The following KMT2D variants were observed in gnomAD, a reference collection of about 807,000 sequenced individuals.
The protein encoded by KMT2D is lysine methyltransferase 2D, also known as histone-lysine N-methyltransferase 2D.
Under a neutral mutation model 512.7 loss-of-function variants are expected in KMT2D, and 55 were observed. That is an observed-to-expected ratio of 0.11 (90% CI 0.09 to 0.13). The LOEUF (loss-of-function observed/expected upper bound fraction) is 0.13. KMT2D is among the 10% of genes least tolerant of loss of function. KMT2D has a pLI of 1.00. For missense variants in KMT2D, 6,061 were observed against 7,127.9 expected, an observed-to-expected ratio of 0.85 and a Z score of 5.39; for synonymous variants, 2,995 against 2,904.0, an observed-to-expected ratio of 1.03 and a Z score of -1.01.
At position 49,021,761 on chromosome 12, in the gene KMT2D, C is replaced by A; in HGVS notation, c.*19G>T. 6.3e-7 allele frequency: 1 copy of A among 1,598,040 alleles called. No homozygotes were observed. Among genetic ancestry groups the A allele is most frequent in the South Asian group, 1.1e-5 (1 of 90,756 alleles). On this transcript the variant is annotated 3_prime_UTR_variant, in exon 55 of 55. Coordinates refer to ENST00000301067, the MANE Select transcript of KMT2D (RefSeq NM_003482.4). ...GTTGTGGGTAGGGGGACTCCCCTGCCTGGTAGCCTCAAAGCTTCTTAGTTC... is the reference window on the plus strand; with the variant it reads ...GTTGTGGGTAGGGGGACTCCCCTGCATGGTAGCCTCAAAGCTTCTTAGTTC...
At position 49,044,393 on chromosome 12, in the gene KMT2D, AG is replaced by A; in HGVS notation, c.5083+9del. 6.2e-7 allele frequency: 1 copy of A among 1,612,926 alleles called. No homozygotes were observed. The highest frequency in any genetic ancestry group is 1.1e-5 in the South Asian group (1 of 91,028). On this transcript the variant is annotated intron_variant, in intron 21 of 54. Transcript: ENST00000301067. This position sits in a 1 kb window ranked among gnomAD's most constrained non-coding sequence, Gnocchi z 6.4. ...CCCCACCACCCCACAACCCCATCCC[AG>A]GACCTCACCAGGCCGATATGGTTTA...
rs1386287108 is a variant in KMT2D, at chr12:49,055,273, C to A, written c.49+3G>T. On this transcript the variant is annotated splice_donor_region_variant and intron_variant, in intron 2 of 54. Coordinates refer to ENST00000301067, the MANE Select transcript of KMT2D (RefSeq NM_003482.4). ...AAGCAAACAAACAATTTGTCCTACT[C>A]ACCTGCCGGTTCTGAATCTTTATCC... The A allele has an allele frequency of 6.2e-6, 10 of 1,614,008 alleles. No individual in the cohort carries two copies. Among genetic ancestry groups the A allele is most frequent in the Non-Finnish European group, 8.5e-6 (10 of 1,179,840 alleles).
intron 43 of KMT2D, 143 bp downstream of exon 43, chr12:49,030,137 G>A: frequency 1.5e-6 from 1 of 653,228 alleles, no homozygotes; most frequent in Non-Finnish European, 2.6e-6. Context: ...AGTCCTGAAA[G>A]GGCCCTTCCT....
In KMT2D at chr12:49,042,667, A is replaced by C. The variant is rs925441426; in HGVS notation, c.5783-22T>G. 2 of 1,611,190 alleles carry C rather than the reference A, an allele frequency of 1.2e-6. No homozygotes were observed. Among genetic ancestry groups the C allele is most frequent in the African/African-American group, 2.7e-5 (2 of 74,868 alleles). ...CCACCTACAAGACGGACAGGATCAG[A>C]GAAAAGAGCAACTGGCCCATCCTGG... On this transcript the variant is annotated intron_variant, in intron 27 of 54. Coordinates refer to ENST00000301067, the MANE Select transcript of KMT2D (RefSeq NM_003482.4). This position sits in a 1 kb window ranked among gnomAD's most constrained non-coding sequence, Gnocchi z 4.4.
At chr12:49,025,920 T>C (rs960848180) in intron 49 of KMT2D, among the ~76,000 whole-genome samples, 2 of 152,208 alleles carry the variant, frequency 1.3e-5, no homozygotes, top group Non-Finnish European at 2.9e-5. Flanking sequence ...CTGTTTCCTT[T>C]TGTTCCACTG....
rs1010837207 is a variant in KMT2D at position 49,021,508 on chromosome 12, T to C, written c.*272A>G. 2.6e-5 allele frequency: 13 copies of C among 505,372 alleles called. No homozygotes were observed. The highest frequency in any genetic ancestry group is 4.3e-5 in the Non-Finnish European group (12 of 281,906). 31.3% of individuals were successfully genotyped at this position (505,372 alleles called of 1,614,324 possible). A position where few individuals can be genotyped will look rare whatever the true frequency, so the allele number is the denominator to read the frequency against. On this transcript the variant is annotated 3_prime_UTR_variant, in exon 55 of 55. Transcript: ENST00000301067. ...GCCCATATCCCCCTCAAACCTGAGA[T>C]GCCCAATGGCTGCTTCTGTCTGGCC...
intron 38 of KMT2D, 55 bp downstream of exon 38, chr12:49,034,355 C>G (rs1390553292): frequency 6.2e-7 from 1 of 1,610,264 alleles, no homozygotes; most frequent in Non-Finnish European, 8.5e-7. Context: ...AATCCCTCTT[C>G]CTCCATATGA....
At chr12:49,055,194 T>C (rs1938336545) in intron 2 of KMT2D, 82 bp downstream of exon 2, 1 of 1,555,628 alleles carries the variant, frequency 6.4e-7, no homozygotes, top group East Asian at 2.2e-5. Flanking sequence ...TACATAGACT[T>C]AGCTCATGTC....
Position 49,046,587 on chromosome 12 carries a change from C to A in KMT2D, c.4418+22G>T, listed in dbSNP as rs1447901826. On this transcript the variant is annotated intron_variant, in intron 16 of 54. Transcript: ENST00000301067. This position sits in a 1 kb window ranked among gnomAD's most constrained non-coding sequence, Gnocchi z 4.2. ...AACATCTCAAGGCCCCAGGGCTCCA[C>A]TGAAGATCCCAGTCTCCTTACCACT... 3.7e-6 allele frequency: 6 copies of A among 1,601,510 alleles called. No homozygotes were observed. The highest frequency in any genetic ancestry group is 4.3e-6 in the Non-Finnish European group (5 of 1,171,746).
rs762282019 is a variant in KMT2D, at chr12:49,046,018, G to C, written c.4693+47C>G. 3.7e-6 allele frequency: 6 copies of C among 1,612,972 alleles called. No homozygotes were observed. Among genetic ancestry groups the C allele is most frequent in the Admixed American group, 1.7e-5 (1 of 59,904 alleles). ...TGGCTGAGGTCCTGTCCCAAAGCAA[G>C]GTACCCCTGCTCTGACTCCTCCCCC... On this transcript the variant is annotated intron_variant, in intron 18 of 54. Coordinates refer to ENST00000301067, the MANE Select transcript of KMT2D (RefSeq NM_003482.4). The surrounding 1 kb of genome is among the most constrained non-coding windows in gnomAD (Gnocchi z 4.2).
At chr12:49,049,656 C>T (rs2120637496) in intron 12 of KMT2D, 26 bp downstream of exon 12, 1 of 1,545,354 alleles carries the variant, frequency 6.5e-7, no homozygotes, top group Non-Finnish European at 8.8e-7. Context: ...ACTCTAATCA[C>T]ATCCCGCAGC....
chr12:49,022,486 C>T lies in KMT2D; in HGVS notation c.16338+104G>A, dbSNP rs548590903. The T allele has an allele frequency of 2.9e-4, 443 of 1,519,142 alleles. 5 individuals carry two copies. The highest frequency in any genetic ancestry group is 2.2e-3 in the Middle Eastern group (10 of 4,604). 94.1% of individuals were successfully genotyped at this position (1,519,142 alleles called of 1,614,324 possible). A position where few individuals can be genotyped will look rare whatever the true frequency, so the allele number is the denominator to read the frequency against. On this transcript the variant is annotated intron_variant, in intron 52 of 54. Transcript: ENST00000301067. This position sits in a 1 kb window ranked among gnomAD's most constrained non-coding sequence, Gnocchi z 8.6. Reference sequence around the variant, plus strand: ...ACTTCATTTCTCCTGCCTTTCCCTTCTCCCCACCACAGCTTTCCTCCTGCT... The same window carrying T: ...ACTTCATTTCTCCTGCCTTTCCCTTTTCCCCACCACAGCTTTCCTCCTGCT...
In KMT2D at chr12:49,041,068, G is replaced by A. The variant is rs201423385; in HGVS notation, c.6702C>T (p.Pro2234=). The change falls in exon 32 of 55, where the codon CCC becomes CCT. Residue 2234 remains proline, a synonymous_variant. Coordinates refer to ENST00000301067, the MANE Select transcript of KMT2D (RefSeq NM_003482.4). The surrounding 1 kb of genome is among the most constrained non-coding windows in gnomAD (Gnocchi z 5.4). ...GEFHTTPPGT[P]RHQPSTPDPF... ...GGTCAGGTGTGGAGGGCTGGTGTCT[G>A]GGGGTGCCAGGTGGGGTAGTGTGGA... The A allele has an allele frequency of 3.9e-6, 6 of 1,537,036 alleles. No individual in the cohort carries two copies. In the East Asian group the frequency reaches 1.1e-4, roughly 29 times the overall value.
In KMT2D at chr12:49,046,467, C is replaced by T. The variant is rs751857030; in HGVS notation, c.4419-43G>A. On this transcript the variant is annotated intron_variant, in intron 16 of 54. Transcript: ENST00000301067. This position sits in a 1 kb window ranked among gnomAD's most constrained non-coding sequence, Gnocchi z 4.2. ...ACAGAGCTTTAGCACCCAACCTACC[C>T]GAAGTACCCAGAAGTCCCCTCACCG... The T allele has an allele frequency of 7.5e-6, 12 of 1,604,510 alleles. No individual in the cohort carries two copies. The highest frequency in any genetic ancestry group is 2.2e-5 in the South Asian group (2 of 90,366).
At position 49,030,630 on chromosome 12, in the gene KMT2D, G is replaced by A. The variant is rs2120406041; in HGVS notation, c.13810C>T (p.Pro4604Ser). 1 of 1,600,760 alleles carries A rather than the reference G, an allele frequency of 6.2e-7. No individual in the cohort carries two copies. The highest frequency in any genetic ancestry group is 8.5e-7 in the Non-Finnish European group (1 of 1,173,162). Residue 4604 changes from proline to serine, a missense_variant, in exon 42 of 55, where the codon CCT becomes TCT. Transcript: ENST00000301067. ...GTAAGCAGCTGGGAATAGTAGTCAG[G>A]GCCAGTGGGCAGCGCCCCACTTCCA... Reference protein sequence around the residue: ...AFGSGALPTGPDYYSQLLTKN... With the variant: ...AFGSGALPTGSDYYSQLLTKN...
Position 49,022,368 on chromosome 12 carries a change from G to T in KMT2D, c.16339-15C>A. The T allele has an allele frequency of 1.3e-6, 2 of 1,598,670 alleles. No homozygotes were observed. On this transcript the variant is annotated splice_polypyrimidine_tract_variant and intron_variant, in intron 52 of 54. Transcript: ENST00000301067. This position sits in a 1 kb window ranked among gnomAD's most constrained non-coding sequence, Gnocchi z 8.6. ...ATGCCTCGATTCTAGAAAGGCAGAG[G>T]TTGCAGAAGAAGGGACAAGAGTATC... is the stretch of plus-strand genomic sequence containing the variant.
In KMT2D at chr12:49,037,247, T is replaced by G; in HGVS notation, c.10109A>C (p.Gln3370Pro). 6.2e-7 allele frequency: 1 copy of G among 1,613,676 alleles called. No homozygotes were observed. The highest frequency in any genetic ancestry group is 8.5e-7 in the Non-Finnish European group (1 of 1,179,830). The stretch of plus-strand genomic sequence containing the variant: ...TGATAGCACTGGCTGTGAGCTCTGC[T>G]GGGGTACCAAGCCTGCCTGCCCTCC... ...QHGGQAGLVP[Q>P]QSSQPVLSQK... Residue 3370 changes from glutamine (Q) to proline (P), a missense_variant, in exon 35 of 55, where the codon CAG becomes CCG. By Grantham distance (76) the Gln-to-Pro change is moderately conservative (BLOSUM62 -1). This residue lies in a region of KMT2D where 533 missense variants were observed against 539.6 expected (regional missense o/e 0.99). Coordinates refer to ENST00000301067, the MANE Select transcript of KMT2D (RefSeq NM_003482.4).
At chr12:49,028,355 T>C (rs1308648565) in intron 46 of KMT2D, among the ~76,000 whole-genome samples, 1 of 152,152 alleles carries the variant, frequency 6.6e-6, no homozygotes, top group Admixed American at 6.5e-5. Flanking sequence ...GGGAACTACA[T>C]CAACTACGTT....
chr12:49,040,279 G>A lies in KMT2D; in HGVS notation c.7491C>T (p.Ala2497=), dbSNP rs2120525808. ...TSLGAGGFPA[A]LPAGPAGELH... is the part of the protein sequence containing the mutation. Reference sequence around the variant, plus strand: ...GCTCACCTGCTGGCCCCGCGGGCAGGGCTGCTGGGAACCCCCCAGCCCCCA... The same window carrying A: ...GCTCACCTGCTGGCCCCGCGGGCAGAGCTGCTGGGAACCCCCCAGCCCCCA... The change falls in exon 32 of 55, where the codon GCC becomes GCT. Residue 2497 remains alanine, a synonymous_variant. Coordinates refer to ENST00000301067, the MANE Select transcript of KMT2D (RefSeq NM_003482.4). 1 of 1,608,156 alleles carries A rather than the reference G, an allele frequency of 6.2e-7. No homozygotes were observed. Among genetic ancestry groups the A allele is most frequent in the Admixed American group, 1.7e-5 (1 of 59,714 alleles).
Sources: gnomAD v4.1 joint callset for allele counts (sites outside exome capture counted in the v4.1 genomes callset) on GRCh38, gnomAD v4.1.1 for gene constraint, gnomAD v4.1.1 regional missense constraint, Gnocchi (gnomAD v3.1) non-coding constraint, MANE v1.5 for transcripts, NCBI Gene and HGNC (gene_info 2026-07-23, HGNC 2026-07-21) for gene names.